The following AGFG2 variants were observed in gnomAD, a reference collection of about 807,000 sequenced individuals.
AGFG2 encodes arf-GAP domain and FG repeat-containing protein 2.
AGFG2 carries 31 observed loss-of-function variants against 48.0 expected under a neutral mutation model. The observed-to-expected ratio is 0.65, with a 90% confidence interval of 0.49 to 0.87. AGFG2 has a LOEUF of 0.87. AGFG2 is among the 40% of genes least tolerant of loss of function. The pLI, the probability that AGFG2 is intolerant of heterozygous loss-of-function variation, is 0.00. For missense variants in AGFG2, 599 were observed against 632.6 expected (o/e 0.95, Z 0.57); for synonymous variants, 229 against 260.8 (o/e 0.88, Z 1.18).
chr7:100,555,881 G>GC, intron 6 of AGFG2, 146 bp downstream of exon 6: 1 of 1,146,026 alleles, frequency 8.7e-7, no homozygotes. Context: ...GAGGATGAGC[G>GC]TGTCTGACAC....
At chr7:100,541,153 C>T (rs189491011) in intron 1 of AGFG2, among the ~76,000 whole-genome samples, 7 of 152,132 alleles carry the variant, frequency 4.6e-5, no homozygotes, top group Admixed American at 1.3e-4. Context: ...ATGGGCATTG[C>T]GGTTTCCAAC....
intron 1 of AGFG2, among the ~76,000 whole-genome samples, chr7:100,546,123 AT>A (rs1256730476): frequency 6.6e-6 from 1 of 151,650 alleles, no homozygotes; most frequent in African/African-American, 2.4e-5. Flanking sequence ...ATCATTTCTT[AT>A]TTTCTCTGCC....
intron 1 of AGFG2, among the ~76,000 whole-genome samples, chr7:100,544,180 GT>G (rs2131101620): frequency 6.6e-6 from 1 of 152,166 alleles, no homozygotes; most frequent in East Asian, 1.9e-4. Flanking sequence ...TTGACACCCA[GT>G]TTTTTCAGCA....
In AGFG2 at chr7:100,554,150, C is replaced by A. The variant is rs1171616414; in HGVS notation, c.643C>A (p.His215Asn). 6.2e-7 allele frequency: 1 copy of A among 1,614,198 alleles called. No homozygotes were observed. The highest frequency in any genetic ancestry group is 1.1e-5 in the South Asian group (1 of 91,090). The change falls in exon 5 of 12, where the codon CAC (histidine) becomes AAC (asparagine). Residue 215 changes from histidine (H) to asparagine (N), a missense_variant. By Grantham distance (68) the His-to-Asn change is moderately conservative. Transcript: ENST00000300176. ...GGCCCGGAGCACTCAGCCACCTCCC[C>A]ACTCCTCTGTCAAAAAAGCCAGTAC... ...SQARSTQPPP[H>N]SSVKKASTDL...
At chr7:100,553,610 A>T in intron 4 of AGFG2, 110 bp downstream of exon 4, 1 of 1,334,980 alleles carries the variant, frequency 7.5e-7, no homozygotes, top group Non-Finnish European at 1.0e-6. Context: ...AGGAGCTGTG[A>T]GTTGGGTCTC....
chr7:100,564,109 A>C (rs1313785477), intron 10 of AGFG2, 109 bp from the exon 11 acceptor site: 1 of 1,518,448 alleles, frequency 6.6e-7, no homozygotes, highest in Non-Finnish European at 9.0e-7. Flanking sequence ...CCGCCCGGGT[A>C]CTTCCACTGC....
chr7:100,561,994 G>A (rs556520965), intron 6 of AGFG2, among the ~76,000 whole-genome samples: 2 of 152,256 alleles, frequency 1.3e-5, no homozygotes, highest in East Asian at 3.9e-4. Flanking sequence ...ACCTGGGGAC[G>A]AGCTGCTTTC....
In AGFG2 at chr7:100,555,659, T is replaced by C. The variant is rs1307590141; in HGVS notation, c.801T>C (p.Ser267=). 2 of 1,614,060 alleles carry C rather than the reference T, an allele frequency of 1.2e-6. No homozygotes were observed. Among genetic ancestry groups the C allele is most frequent in the African/African-American group, 1.3e-5 (1 of 74,946 alleles). The part of the protein sequence containing the change: ...GGFANFDAFS[S]GPSSSVFGSL... Reference sequence around the variant, plus strand: ...TTGCCAACTTTGATGCCTTTAGCAGTGGCCCCAGCTCTTCTGTGTTTGGAA... The same window carrying C: ...TTGCCAACTTTGATGCCTTTAGCAGCGGCCCCAGCTCTTCTGTGTTTGGAA... Residue 267 remains serine (S), a synonymous_variant, in exon 6 of 12, where the codon AGT becomes AGC. Transcript: ENST00000300176.
rs556039974 is a variant in AGFG2, at chr7:100,552,595, T to C, written c.432-752T>C. Among the ~76,000 whole-genome samples the C allele has an allele frequency of 2.0e-5, 3 of 152,314 alleles. No homozygotes were observed. The East Asian group carries it at 5.8e-4, about 29-fold the overall frequency. The stretch of plus-strand genomic sequence containing the variant: ...GGGTGTGTACATGTTGGGAGGTAAC[T>C]GTGAGGTAGAGAAGAGAATGCAGAG... On this transcript the variant is annotated intron_variant, in intron 3 of 11. Transcript: ENST00000300176.
chr7:100,544,565 T>C (rs1351561947), intron 1 of AGFG2, among the ~76,000 whole-genome samples: 1 of 152,024 alleles, frequency 6.6e-6, no homozygotes, highest in South Asian at 2.1e-4. Context: ...CATCCCTCCA[T>C]CCCCTCCTCT....
chr7:100,564,431 C>G, intron 11 of AGFG2, 128 bp downstream of exon 11: 1 of 967,198 alleles, frequency 1.0e-6, no homozygotes, highest in Non-Finnish European at 1.5e-6. Context: ...TTGTCCAAGC[C>G]AGGGCTGAGC....
intron 2 of AGFG2, 51 bp from the exon 3 acceptor site, chr7:100,550,340 ATTTTT>A (rs1251716241): frequency 5.0e-6 from 3 of 603,418 alleles, no homozygotes; most frequent in Non-Finnish European, 8.2e-6. Context: ...AGGAAGTGGT[ATTTTT>A]TGTATTTCCT....
In AGFG2 at chr7:100,565,168, TC is replaced by T; in HGVS notation, c.*181del. The T allele has an allele frequency of 1.4e-6, 1 of 708,372 alleles. No individual in the cohort carries two copies. Among genetic ancestry groups the T allele is most frequent in the Non-Finnish European group, 2.4e-6 (1 of 415,260 alleles). 43.9% of individuals were successfully genotyped at this position (708,372 alleles called of 1,614,324 possible). ...GCCCTCAGATTCCACAAAGCCTCTC[TC>T]CCCTCCCTCGTCCCACCCCCACCCA... On this transcript the variant is annotated 3_prime_UTR_variant, in exon 12 of 12. Transcript: ENST00000300176.
intron 3 of AGFG2, among the ~76,000 whole-genome samples, chr7:100,551,030 TTATATATATATATATATATATATATA>T (rs373297543): frequency 3.6e-5 from 2 of 56,036 alleles, no homozygotes; most frequent in African/African-American, 1.9e-4. Context: ...CCTGGCTAAT[TTATATATATATATATATATATATATA>T]TATATATATA....
At position 100,562,642 on chromosome 7, in the gene AGFG2, GGGC is replaced by G. The variant is rs756166918; in HGVS notation, c.1060_1062del (p.Gly354del). Reference sequence around the variant, plus strand: ...TCCCCCCGCTCCAGTCTGTCACGATGGGCGGCGGCGGCGGCAGCAGCACAGGGC... The same window carrying G: ...TCCCCCCGCTCCAGTCTGTCACGATGGGCGGCGGCGGCAGCAGCACAGGGC... On this transcript the variant is annotated inframe_deletion, in exon 8 of 12. Transcript: ENST00000300176. The surrounding 1 kb of genome is among the most constrained non-coding windows in gnomAD (Gnocchi z 5.4). 44 of 1,609,600 alleles carry G rather than the reference GGGC, an allele frequency of 2.7e-5. No homozygotes were observed. The highest frequency in any genetic ancestry group is 8.3e-5 in the Admixed American group (5 of 59,958).
At chr7:100,547,181 G>A (rs1028199559) in intron 1 of AGFG2, among the ~76,000 whole-genome samples, 16 of 39,128 alleles carry the variant, frequency 4.1e-4, no homozygotes, top group African/African-American at 1.5e-3. Context: ...CCCCACCACC[G>A]CTGCTTTTGC....
intron 4 of AGFG2, 67 bp downstream of exon 4, chr7:100,553,567 A>G: frequency 1.9e-6 from 3 of 1,538,800 alleles, no homozygotes; most frequent in Non-Finnish European, 2.6e-6. Flanking sequence ...AGTTTCCTGA[A>G]TCAGATTCCC....
intron 2 of AGFG2, among the ~76,000 whole-genome samples, chr7:100,549,620 A>G (rs1258588410): frequency 6.6e-6 from 1 of 152,232 alleles, no homozygotes; most frequent in Non-Finnish European, 1.5e-5. Flanking sequence ...GACAGGAATC[A>G]TATCTGGTTT....
intron 3 of AGFG2, among the ~76,000 whole-genome samples, chr7:100,551,062 ATATATTTCTTT>A (rs1466614845): frequency 5.4e-5 from 4 of 73,908 alleles, no homozygotes; most frequent in African/African-American, 1.7e-4. Context: ...ATATATATAT[ATATATTTCTTT>A]TTTTTTTTTT....
Sources: gnomAD v4.1 joint callset for allele counts (sites outside exome capture counted in the v4.1 genomes callset) on GRCh38, gnomAD v4.1.1 for gene constraint, Gnocchi (gnomAD v3.1) non-coding constraint, MANE v1.5 for transcripts, NCBI Gene and HGNC (gene_info 2026-07-23, HGNC 2026-07-21) for gene names.